Variants in CEP41 observed in about 807,000 individuals in gnomAD.
CEP41 encodes the protein centrosomal protein of 41 kDa.
A neutral mutation model predicts 44.3 loss-of-function variants in CEP41; 32 were observed. That is an observed-to-expected ratio of 0.72 (90% CI 0.54 to 0.97). The LOEUF (loss-of-function observed/expected upper bound fraction) is 0.97. CEP41 is among the 50% of genes least tolerant of loss of function. CEP41 has a pLI of 0.00. For synonymous variants in CEP41, 151 were observed against 168.5 expected (o/e 0.90, Z 0.80); for missense variants, 432 against 455.2 (o/e 0.95, Z 0.46).
At chr7:130,441,249 A>T, upstream of CEP41, 2 of 313,752 alleles carry the variant, frequency 6.4e-6, no homozygotes, top group East Asian at 7.6e-5. Flanking sequence ...GGGCGGGAAG[A>T]GAGGCGCGGG....
chr7:130,398,376 G>A lies in CEP41; in HGVS notation c.*515C>T. ...CTCCTTGCTGAGTGAGCCTGCTGGG[G>A]TGGGGTCTGCAGGCGGCTGGAACCT... On this transcript the variant is annotated 3_prime_UTR_variant, in exon 11 of 11. Coordinates refer to ENST00000223208, the MANE Select transcript of CEP41 (RefSeq NM_018718.3). 1 of 454,082 alleles carries A rather than the reference G, an allele frequency of 2.2e-6. No homozygotes were observed. The highest frequency in any genetic ancestry group is 1.6e-5 in the South Asian group (1 of 64,468). The allele number at this position is 454,082 out of a possible 1,614,324, so 28.1% of individuals were successfully genotyped here.
rs782209548 is a variant in CEP41, at chr7:130,401,968, T to TCAACAAGCCATAAACCTAAACAC, written c.575-21_575-20insGTGTTTAGGTTTATGGCTTGTTG. 6.4e-7 allele frequency: 1 copy of TCAACAAGCCATAAACCTAAACAC among 1,569,708 alleles called. No homozygotes were observed. Among genetic ancestry groups the TCAACAAGCCATAAACCTAAACAC allele is most frequent in the Non-Finnish European group, 8.8e-7 (1 of 1,139,840 alleles). On this transcript the variant is annotated intron_variant, in intron 7 of 10. Coordinates refer to ENST00000223208, the MANE Select transcript of CEP41 (RefSeq NM_018718.3). ...TGTAAGCTGCAAAGAGAAGAAAAAG[T>TCAACAAGCCATAAACCTAAACAC]TTAGGAAGTCTGTTGTTCTCTTAAT...
intron 1 of CEP41, among the ~76,000 whole-genome samples, chr7:130,437,662 A>G (rs2117718862): frequency 6.6e-6 from 1 of 150,832 alleles, no homozygotes; most frequent in African/African-American, 2.4e-5. Context: ...GGTCCCAGCT[A>G]CTCAGGAAGT....
At position 130,393,808 on chromosome 7, in the gene CEP41, T is replaced by TG; in HGVS notation, c.*5082_*5083insC. 2.2e-6 allele frequency: 1 copy of TG among 454,044 alleles called. No homozygotes were observed. Among genetic ancestry groups the TG allele is most frequent in the Non-Finnish European group, 4.4e-6 (1 of 226,766 alleles). The allele number at this position is 454,044 out of a possible 1,614,324, so 28.1% of individuals were successfully genotyped here. On this transcript the variant is annotated 3_prime_UTR_variant, in exon 11 of 11. Coordinates refer to ENST00000223208, the MANE Select transcript of CEP41 (RefSeq NM_018718.3). ...GGTTTACTGAATGAATGGCTAGACC[T>TG]ATCAGGAAAACAGCCTACTTTTTTC...
At chr7:130,425,708 T>C (rs1229744172) in intron 2 of CEP41, among the ~76,000 whole-genome samples, 2 of 152,244 alleles carry the variant, frequency 1.3e-5, no homozygotes, top group Non-Finnish European at 2.9e-5. Flanking sequence ...CATAAGTGTT[T>C]ATAGCACTTA....
chr7:130,401,840 T>A, intron 8 of CEP41, 41 bp downstream of exon 8: 1 of 1,322,192 alleles, frequency 7.6e-7, no homozygotes, highest in South Asian at 1.2e-5. Flanking sequence ...ATTCTTACAA[T>A]CCTCATACCA....
At position 130,397,509 on chromosome 7, in the gene CEP41, T is replaced by C. The variant is rs1554415254; in HGVS notation, c.*1382A>G. The C allele has an allele frequency of 1.8e-5, 3 of 164,068 alleles. No individual in the cohort carries two copies. Among genetic ancestry groups the C allele is most frequent in the South Asian group, 1.2e-4 (1 of 8,540 alleles). 10.2% of individuals were successfully genotyped at this position (164,068 alleles called of 1,614,324 possible). ...CATGCTAGAAATACTGTGGTGCATT[T>C]TTTTTTTTTTTTTTTTTTTTTTTTG... On this transcript the variant is annotated 3_prime_UTR_variant, in exon 11 of 11. Transcript: ENST00000223208.
chr7:130,404,190 A>G (rs1450298831), intron 6 of CEP41, among the ~76,000 whole-genome samples: 1 of 152,200 alleles, frequency 6.6e-6, no homozygotes, highest in East Asian at 1.9e-4. Flanking sequence ...TGGCACTGTC[A>G]CTTCCGGACA....
chr7:130,428,226 T>A (rs1319411771), intron 1 of CEP41, among the ~76,000 whole-genome samples: 1 of 150,934 alleles, frequency 6.6e-6, no homozygotes, highest in Non-Finnish European at 1.5e-5. Flanking sequence ...GAGTTCGAGG[T>A]CAGCCTGACC....
At chr7:130,422,314 A>C (rs1232977497) in intron 2 of CEP41, among the ~76,000 whole-genome samples, 2 of 152,200 alleles carry the variant, frequency 1.3e-5, no homozygotes, top group African/African-American at 4.8e-5. Context: ...TCCTGTGCCT[A>C]TTTCCAATGC....
intron 2 of CEP41, among the ~76,000 whole-genome samples, chr7:130,425,786 C>G (rs1797643703): frequency 6.6e-6 from 1 of 152,180 alleles, no homozygotes; most frequent in African/African-American, 2.4e-5. Context: ...AAACTTGGTA[C>G]ATTCATATCA....
Position 130,394,505 on chromosome 7 carries a change from C to A in CEP41, c.*4386G>T, listed in dbSNP as rs1554413738. On this transcript the variant is annotated 3_prime_UTR_variant, in exon 11 of 11. Transcript: ENST00000223208. Reference sequence around the variant, plus strand: ...AGATGGGGGTGGTGTGTGACCTTTGCGTGCTGAATTTGGGAGGATACTTTA... The same window carrying A: ...AGATGGGGGTGGTGTGTGACCTTTGAGTGCTGAATTTGGGAGGATACTTTA... 1 of 454,054 alleles carries A rather than the reference C, an allele frequency of 2.2e-6. No individual in the cohort carries two copies. 28.1% of individuals were successfully genotyped at this position (454,054 alleles called of 1,614,324 possible). A position where few individuals can be genotyped will look rare whatever the true frequency, so the allele number is the denominator to read the frequency against.
intron 2 of CEP41, chr7:130,419,606 C>T: frequency 1.0e-6 from 1 of 984,216 alleles, no homozygotes; most frequent in Non-Finnish European, 1.2e-6. Context: ...TTACACATTA[C>T]TGCCAGATAC....
At chr7:130,426,438 GAAAGAA>G (rs869198761) in intron 2 of CEP41, among the ~76,000 whole-genome samples, 18 of 140,044 alleles carry the variant, frequency 1.3e-4, no homozygotes, top group Non-Finnish European at 2.0e-4. Flanking sequence ...TTTCCAGGAG[GAAAGAA>G]AAAAAAAAAA....
chr7:130,403,771 AAAC>A (rs1554417550), intron 6 of CEP41, among the ~76,000 whole-genome samples: 9 of 152,346 alleles, frequency 5.9e-5, no homozygotes, highest in African/African-American at 2.2e-4. Context: ...GTTTGATAAG[AAAC>A]TGCATCCTCA....
rs1554415717 is a variant in CEP41 at position 130,398,283 on chromosome 7, AT to A, written c.*607del. On this transcript the variant is annotated 3_prime_UTR_variant, in exon 11 of 11. Transcript: ENST00000223208. ...TGTACAGCTACTTTCCTCATCTTCA[AT>A]TTCAGTGAGTACACAGGCACTGGCT... is the stretch of plus-strand genomic sequence containing the variant. 2.2e-6 allele frequency: 1 copy of A among 454,052 alleles called. No homozygotes were observed. Among genetic ancestry groups the A allele is most frequent in the Non-Finnish European group, 4.4e-6 (1 of 226,788 alleles). 28.1% of individuals were successfully genotyped at this position (454,052 alleles called of 1,614,324 possible). A position where few individuals can be genotyped will look rare whatever the true frequency, so the allele number is the denominator to read the frequency against.
At position 130,396,021 on chromosome 7, in the gene CEP41, T is replaced by C. The variant is rs1554414378; in HGVS notation, c.*2870A>G. On this transcript the variant is annotated 3_prime_UTR_variant, in exon 11 of 11. Coordinates refer to ENST00000223208, the MANE Select transcript of CEP41 (RefSeq NM_018718.3). ...AAATAAGTAATGTAGCTTTCTCCTT[T>C]CTCTCTCGCTTTCTGCTTCTTTTCT... 4.4e-6 allele frequency: 2 copies of C among 454,090 alleles called. No homozygotes were observed. The highest frequency in any genetic ancestry group is 6.9e-4 in the Middle Eastern group (1 of 1,448). The allele number at this position is 454,090 out of a possible 1,614,324, so 28.1% of individuals were successfully genotyped here. A position where few individuals can be genotyped will look rare whatever the true frequency, so the allele number is the denominator to read the frequency against.
intron 5 of CEP41, among the ~76,000 whole-genome samples, chr7:130,408,670 T>C (rs1482581791): frequency 6.6e-6 from 1 of 152,212 alleles, no homozygotes; most frequent in Admixed American, 6.5e-5. Context: ...GGAGAGAATG[T>C]GGCAATCAGC....
chr7:130,437,735 C>G (rs981346107), intron 1 of CEP41, among the ~76,000 whole-genome samples: 1 of 138,266 alleles, frequency 7.2e-6, no homozygotes, highest in Admixed American at 7.7e-5. Context: ...CCACTGCACT[C>G]CAGCCTGGGT....
Sources: allele counts gnomAD v4.1 joint callset (sites outside exome capture counted in the v4.1 genomes callset), GRCh38; gene constraint gnomAD v4.1.1; transcripts MANE v1.5; gene names NCBI Gene and HGNC (gene_info 2026-07-23, HGNC 2026-07-21).